Variants in TYW1 observed in about 807,000 individuals in gnomAD.
TYW1 encodes the protein tRNA-yW synthesizing protein 1 homolog, also known as S-adenosyl-L-methionine-dependent tRNA 4-demethylwyosine synthase TYW1.
Under a neutral mutation model 96.2 loss-of-function variants are expected in TYW1, and 46 were observed. That is an observed-to-expected ratio of 0.48 (90% confidence interval 0.38 to 0.61). The LOEUF is 0.61. Ranked by LOEUF, TYW1 falls within the 20% of genes least tolerant of loss-of-function variation. The pLI is 0.00. For synonymous variants in TYW1, 274 were observed against 323.0 expected, an observed-to-expected ratio of 0.85 and a Z score of 1.63; for missense variants, 684 against 909.6, an observed-to-expected ratio of 0.75 and a Z score of 3.19.
intron 12 of TYW1, among the ~76,000 whole-genome samples, chr7:67,106,910 A>C (rs1797261876): frequency 6.6e-6 from 1 of 152,140 alleles, no homozygotes; most frequent in African/African-American, 2.4e-5. Flanking sequence ...CCCAAATTTC[A>C]TCCCTGTGTA....
chr7:67,139,040 C>G (rs909447625), intron 13 of TYW1, among the ~76,000 whole-genome samples: 2 of 151,888 alleles, frequency 1.3e-5, no homozygotes, highest in Admixed American at 1.3e-4. Context: ...ACTTCAAAAC[C>G]TGTAGTTATT....
chr7:67,146,650 A>G (rs1563039649), intron 13 of TYW1, among the ~76,000 whole-genome samples: 1 of 152,264 alleles, frequency 6.6e-6, no homozygotes, highest in Non-Finnish European at 1.5e-5. Context: ...AGAATATTGT[A>G]TAACAATATT....
chr7:67,222,131 A>T (rs1289094319), intron 15 of TYW1, among the ~76,000 whole-genome samples: 1 of 152,168 alleles, frequency 6.6e-6, no homozygotes, highest in Non-Finnish European at 1.5e-5. Context: ...TGGGAGGTGG[A>T]AGTTGCAGTG....
chr7:67,175,134 A>G (rs1799628563), intron 13 of TYW1, among the ~76,000 whole-genome samples: 1 of 152,010 alleles, frequency 6.6e-6, no homozygotes, highest in Admixed American at 6.6e-5. Flanking sequence ...CCAGAGAGGA[A>G]TAGTAGCACT....
intron 13 of TYW1, among the ~76,000 whole-genome samples, chr7:67,152,218 A>G (rs982176170): frequency 5.9e-5 from 9 of 152,080 alleles, no homozygotes; most frequent in African/African-American, 1.7e-4. Context: ...AATATTTACT[A>G]TGTTTACATG....
At chr7:67,236,253 A>G (rs546792419) in intron 15 of TYW1, among the ~76,000 whole-genome samples, 62 of 152,278 alleles carry the variant, frequency 4.1e-4, no homozygotes, top group Non-Finnish European at 7.1e-4. Flanking sequence ...CAGATTTGAT[A>G]CTCAGACTTT....
At chr7:67,033,158 A>C (rs573227660) in intron 7 of TYW1, among the ~76,000 whole-genome samples, 1 of 151,808 alleles carries the variant, frequency 6.6e-6, no homozygotes, top group African/African-American at 2.4e-5. Flanking sequence ...GAGCCTCCCA[A>C]AGTGTTGGGA....
At chr7:67,209,114 C>T (rs535425908) in intron 15 of TYW1, among the ~76,000 whole-genome samples, 1 of 152,256 alleles carries the variant, frequency 6.6e-6, no homozygotes, top group South Asian at 2.1e-4. Flanking sequence ...TACTTTTGCA[C>T]CAACATAATA....
intron 10 of TYW1, among the ~76,000 whole-genome samples, chr7:67,080,940 GTTT>G (rs71049495): frequency 1.6e-3 from 61 of 37,226 alleles, no homozygotes; most frequent in African/African-American, 6.0e-3. Flanking sequence ...CTTTCTTACT[GTTT>G]TTTTTTTTTT....
intron 15 of TYW1, among the ~76,000 whole-genome samples, chr7:67,230,442 A>G (rs1243066112): frequency 1.3e-5 from 2 of 151,306 alleles, no homozygotes; most frequent in Non-Finnish European, 2.9e-5. Context: ...TAAAAAGTCC[A>G]AGTTTATTAA....
chr7:67,199,305 G>A (rs1269805148), intron 15 of TYW1, among the ~76,000 whole-genome samples: 2 of 152,112 alleles, frequency 1.3e-5, no homozygotes, highest in African/African-American at 2.4e-5. Context: ...CTGTGTTGGC[G>A]ACGTGTCCTT....
At position 67,225,498 on chromosome 7, in the gene TYW1, T is replaced by C. The variant is rs184362463; in HGVS notation, c.1978-12810T>C. ...TTTGGAGATAATAAAACTTGTAGTC[T>C]GTGAAGGGAGGGGAAGAAGAGCTAT... On this transcript the variant is annotated intron_variant, in intron 15 of 15. Coordinates refer to ENST00000359626, the MANE Select transcript of TYW1 (RefSeq NM_018264.4). Among the ~76,000 whole-genome samples, 8 of 152,248 alleles carry C rather than the reference T, an allele frequency of 5.3e-5. No homozygotes were observed. In the East Asian group the frequency reaches 7.7e-4, roughly 15 times the overall value.
At chr7:67,193,361 C>T (rs1207265564) in intron 14 of TYW1, among the ~76,000 whole-genome samples, 1 of 152,226 alleles carries the variant, frequency 6.6e-6, no homozygotes, top group Non-Finnish European at 1.5e-5. Context: ...TCTGTTTGAA[C>T]AGCTGTCTTG....
intron 9 of TYW1, among the ~76,000 whole-genome samples, chr7:67,064,977 A>AT (rs1314708469): frequency 6.6e-6 from 1 of 152,210 alleles, no homozygotes; most frequent in Admixed American, 6.5e-5. Context: ...TGGAGACATC[A>AT]TTTTTTAAAA....
chr7:67,195,684 T>A (rs1341929411), intron 15 of TYW1, among the ~76,000 whole-genome samples: 1 of 152,198 alleles, frequency 6.6e-6, no homozygotes, highest in East Asian at 1.9e-4. Flanking sequence ...AGTCCCCATA[T>A]GAGTTTCTAG....
rs1333823654 is a variant in TYW1, at chr7:67,065,085, C to T, written c.1156-2200C>T. Among the ~76,000 whole-genome samples, 10 of 152,252 alleles carry T rather than the reference C, an allele frequency of 6.6e-5. No individual in the cohort carries two copies. The East Asian group carries it at 1.4e-3, about 21-fold the overall frequency. On this transcript the variant is annotated intron_variant, in intron 9 of 15. Transcript: ENST00000359626. Reference sequence around the variant, plus strand: ...TAGTCCTTCAGTATTGGATTTGGACCGCACACCTCTGGGAAGCTCTCACTG... The same window carrying T: ...TAGTCCTTCAGTATTGGATTTGGACTGCACACCTCTGGGAAGCTCTCACTG...
At chr7:67,163,353 G>T (rs1799219305) in intron 13 of TYW1, among the ~76,000 whole-genome samples, 1 of 152,122 alleles carries the variant, frequency 6.6e-6, no homozygotes, top group South Asian at 2.1e-4. Flanking sequence ...ACATTCTGCT[G>T]CCAGTGCTCC....
intron 7 of TYW1, among the ~76,000 whole-genome samples, chr7:67,033,599 C>T (rs1794736709): frequency 6.6e-6 from 1 of 152,130 alleles, no homozygotes; most frequent in African/African-American, 2.4e-5. Context: ...GTGGAGAGAA[C>T]TTAAAGTACC....
intron 13 of TYW1, among the ~76,000 whole-genome samples, chr7:67,151,804 T>TGTTGTTG (rs34842692): frequency 1.3e-5 from 2 of 151,602 alleles, no homozygotes; most frequent in Non-Finnish European, 2.9e-5. Flanking sequence ...TGCTGCTTTT[T>TGTTGTTG]TTGTTGTTGT....
Sources: gnomAD v4.1 joint callset for allele counts (sites outside exome capture counted in the v4.1 genomes callset) on GRCh38, gnomAD v4.1.1 for gene constraint, MANE v1.5 for transcripts, NCBI Gene and HGNC (gene_info 2026-07-23, HGNC 2026-07-21) for gene names.